The following KCNAB1 variants were observed in gnomAD, a reference collection of about 807,000 sequenced individuals.
KCNAB1 encodes the protein voltage-gated potassium channel subunit beta-1.
A neutral mutation model predicts 64.6 loss-of-function variants in KCNAB1; 35 were observed. That is an observed-to-expected ratio of 0.54 (90% CI 0.41 to 0.72). The LOEUF (loss-of-function observed/expected upper bound fraction) is 0.72. Ranked by LOEUF, KCNAB1 falls within the 30% of genes least tolerant of loss-of-function variation. KCNAB1 has a pLI of 0.00. For missense variants in KCNAB1, 401 were observed against 512.9 expected (o/e 0.78, Z 2.11); for synonymous variants, 177 against 183.8 (o/e 0.96, Z 0.30).
At chr3:156,435,555 T>G (rs1049908571) in intron 2 of KCNAB1, among the ~76,000 whole-genome samples, 1 of 152,164 alleles carries the variant, frequency 6.6e-6, no homozygotes, top group Non-Finnish European at 1.5e-5. Flanking sequence ...AGTGAATCAA[T>G]GGACTTGAGA....
intron 8 of KCNAB1, 94 bp downstream of exon 8, chr3:156,474,914 G>T: frequency 1.0e-6 from 1 of 987,988 alleles, no homozygotes; most frequent in Non-Finnish European, 1.6e-6. Context: ...TATTCAGACT[G>T]ATCAAACTGA....
At chr3:156,427,564 C>T (rs1173046410) in intron 2 of KCNAB1, among the ~76,000 whole-genome samples, 1 of 152,104 alleles carries the variant, frequency 6.6e-6, no homozygotes, top group African/African-American at 2.4e-5. Flanking sequence ...TGATCAATTG[C>T]TAAGAAATGA....
At chr3:156,361,235 G>A (rs1431173965) in intron 1 of KCNAB1, among the ~76,000 whole-genome samples, 1 of 151,972 alleles carries the variant, frequency 6.6e-6, no homozygotes, top group South Asian at 2.1e-4. Flanking sequence ...CTACTCCAGC[G>A]CCTTTGCACT....
intron 1 of KCNAB1, among the ~76,000 whole-genome samples, chr3:156,163,038 G>A (rs572792691): frequency 4.6e-5 from 7 of 152,292 alleles, no homozygotes; most frequent in East Asian, 3.9e-4. Context: ...TCAAGTTTAG[G>A]TGTGGTTTAC....
intron 1 of KCNAB1, among the ~76,000 whole-genome samples, chr3:156,384,552 C>T (rs1474104866): frequency 6.6e-6 from 1 of 151,632 alleles, no homozygotes; most frequent in African/African-American, 2.4e-5. Flanking sequence ...TCTAGGGAGA[C>T]CAAATTAGGA....
At chr3:156,381,087 C>T (rs895347382) in intron 1 of KCNAB1, among the ~76,000 whole-genome samples, 2 of 151,880 alleles carry the variant, frequency 1.3e-5, no homozygotes, top group Admixed American at 6.6e-5. Flanking sequence ...ATATTGGGTC[C>T]CAAAAACATA....
chr3:156,442,781 A>G (rs1051880066), intron 2 of KCNAB1, among the ~76,000 whole-genome samples: 6 of 152,150 alleles, frequency 3.9e-5, no homozygotes, highest in Non-Finnish European at 7.3e-5. Context: ...TTCAACAGCA[A>G]TCACATCTCA....
chr3:156,217,298 T>C (rs181496361), intron 1 of KCNAB1, among the ~76,000 whole-genome samples: 25 of 152,354 alleles, frequency 1.6e-4, no homozygotes, highest in African/African-American at 5.5e-4. Flanking sequence ...TTATTATTAC[T>C]TTGGCCTCTC....
At chr3:156,433,090 A>G (rs577109095) in intron 2 of KCNAB1, among the ~76,000 whole-genome samples, 3 of 152,292 alleles carry the variant, frequency 2.0e-5, no homozygotes, top group Admixed American at 6.5e-5. Context: ...TCATGTGTTC[A>G]TGGATTTCAC....
intron 1 of KCNAB1, among the ~76,000 whole-genome samples, chr3:156,218,800 A>T (rs867952804): frequency 1.8e-5 from 2 of 108,570 alleles, no homozygotes; most frequent in Non-Finnish European, 3.7e-5. Flanking sequence ...AAAAAAAAAA[A>T]AAATAATAAT....
At chr3:156,292,191 G>A in intron 1 of KCNAB1, 1 of 1,565,476 alleles carries the variant, frequency 6.4e-7, no homozygotes, top group Non-Finnish European at 8.8e-7. Flanking sequence ...AGTGGAGACA[G>A]TCCATCGGTT....
intron 1 of KCNAB1, among the ~76,000 whole-genome samples, chr3:156,223,514 G>T (rs1455155419): frequency 6.6e-6 from 1 of 152,218 alleles, no homozygotes; most frequent in Admixed American, 6.5e-5. Context: ...AGATTAGCTA[G>T]ACACAGAGTA....
intron 1 of KCNAB1, among the ~76,000 whole-genome samples, chr3:156,193,043 G>A (rs1042372073): frequency 6.6e-6 from 1 of 151,876 alleles, no homozygotes; most frequent in African/African-American, 2.4e-5. Context: ...TACCATTCTT[G>A]TATTTGTTTT....
At chr3:156,371,979 T>G (rs1429873272) in intron 1 of KCNAB1, among the ~76,000 whole-genome samples, 1 of 152,232 alleles carries the variant, frequency 6.6e-6, no homozygotes, top group Non-Finnish European at 1.5e-5. Flanking sequence ...GTGACTGGTT[T>G]ATTTTTTTGT....
chr3:156,490,321 T>G (rs899294797), intron 8 of KCNAB1, among the ~76,000 whole-genome samples: 7 of 152,264 alleles, frequency 4.6e-5, no homozygotes, highest in African/African-American at 1.4e-4. Flanking sequence ...CAAACACCGT[T>G]CAAGCACAAT....
intron 8 of KCNAB1, among the ~76,000 whole-genome samples, chr3:156,503,622 A>G (rs1398681760): frequency 1.3e-5 from 2 of 152,166 alleles, no homozygotes; most frequent in Non-Finnish European, 2.9e-5. Flanking sequence ...AAGTTCTACA[A>G]ATGGGAATTT....
At position 156,220,862 on chromosome 3, in the gene KCNAB1, A is replaced by T. The variant is rs1576618428; in HGVS notation, c.275+99976A>T. Among the ~76,000 whole-genome samples the T allele has an allele frequency of 5.3e-5, 8 of 152,342 alleles. No individual in the cohort carries two copies. In the South Asian group the frequency reaches 1.7e-3, roughly 32 times the overall value. ...TTTATGGTGTGAGGTCTTACATTTA[A>T]GTCTTTAATCTGTCTTGACTTAATT... On this transcript the variant is annotated intron_variant, in intron 1 of 13. Transcript: ENST00000490337.
chr3:156,323,764 G>C (rs903682169), intron 1 of KCNAB1, among the ~76,000 whole-genome samples: 4 of 152,032 alleles, frequency 2.6e-5, no homozygotes, highest in African/African-American at 9.7e-5. Context: ...GACTTTTCTT[G>C]GTCCCAAACA....
At chr3:156,167,870 G>A (rs997875435) in intron 1 of KCNAB1, among the ~76,000 whole-genome samples, 4 of 152,154 alleles carry the variant, frequency 2.6e-5, no homozygotes, top group African/African-American at 9.7e-5. Context: ...TATTAAATGA[G>A]AGGGGTTGGA....
Sources: gnomAD v4.1 joint callset for allele counts (sites outside exome capture counted in the v4.1 genomes callset) on GRCh38, gnomAD v4.1.1 for gene constraint, MANE v1.5 for transcripts, NCBI Gene and HGNC (gene_info 2026-07-23, HGNC 2026-07-21) for gene names.